PRKX: variants seen among roughly 807,000 people sequenced by gnomAD.
The protein encoded by PRKX is cAMP-dependent protein kinase catalytic subunit PRKX.
In PRKX, 12 loss-of-function variants were observed where a neutral mutation model predicts 22.0. The observed-to-expected ratio is 0.54, with a 90% confidence interval of 0.35 to 0.88. The LOEUF (loss-of-function observed/expected upper bound fraction) is 0.88. Ranked by LOEUF, PRKX falls within the 40% of genes least tolerant of loss-of-function variation. PRKX has a pLI of 0.01. For synonymous variants in PRKX, 134 were observed against 137.7 expected (o/e 0.97, Z 0.19); for missense variants, 217 against 308.0 (o/e 0.70, Z 2.21).
At chrX:3,624,457 CAAA>C (rs1454637555) in intron 5 of PRKX, among the ~76,000 whole-genome samples, 2 of 110,205 alleles carry the variant, frequency 1.8e-5, no homozygotes, top group Non-Finnish European at 3.8e-5. Context: ...TCCCTACTCT[CAAA>C]GAAGATAAAC....
intron 3 of PRKX, among the ~76,000 whole-genome samples, chrX:3,654,420 G>A (rs1215508524): frequency 4.0e-5 from 4 of 100,555 alleles, no homozygotes; most frequent in Non-Finnish European, 5.9e-5. Context: ...ATAAGTGCAC[G>A]TGTGTGTGAG....
At chrX:3,708,211 C>T (rs887573495) in intron 1 of PRKX, among the ~76,000 whole-genome samples, 3 of 111,437 alleles carry the variant, frequency 2.7e-5, no homozygotes, top group African/African-American at 9.8e-5. Context: ...GAGGACACAG[C>T]GAGAAGGCAC....
chrX:3,642,089 C>T lies in PRKX; in HGVS notation c.600-118G>A, dbSNP rs181388193. The T allele has an allele frequency of 4.8e-4, 423 of 889,759 alleles. 1 individual carries two copies. The highest frequency in any genetic ancestry group is 4.3e-4 in the Non-Finnish European group (275 of 632,295). 73.3% of individuals were successfully genotyped at this position (889,759 alleles called of 1,213,427 possible). On this transcript the variant is annotated intron_variant, in intron 3 of 8. Transcript: ENST00000262848. ...TTGAGTAAAACCACGCTCCGTTTACCCTCCTGTGCACATATTTTAATGTGT... is the reference window on the plus strand; with the variant it reads ...TTGAGTAAAACCACGCTCCGTTTACTCTCCTGTGCACATATTTTAATGTGT...
At chrX:3,678,164 T>C (rs1436218954) in intron 1 of PRKX, among the ~76,000 whole-genome samples, 2 of 112,194 alleles carry the variant, frequency 1.8e-5, no homozygotes, top group Admixed American at 9.5e-5. Flanking sequence ...CCATTGGACC[T>C]ATGAAATGGG....
chrX:3,648,520 A>T (rs1261916812), intron 3 of PRKX, among the ~76,000 whole-genome samples: 1 of 109,499 alleles, frequency 9.1e-6, no homozygotes, highest in Admixed American at 9.9e-5. Flanking sequence ...GGCAAAGAGA[A>T]AAAAAACAAA....
At chrX:3,670,153 A>C (rs2146593188) in intron 2 of PRKX, 1 of 123,927 alleles carries the variant, frequency 8.1e-6, no homozygotes, top group South Asian at 3.7e-4. Flanking sequence ...CCGTATGGGA[A>C]GCAGATGTTG....
Position 3,632,986 on chromosome X carries a change from C to T in PRKX, c.720-6472G>A, listed in dbSNP as rs1452528014. Among the ~76,000 whole-genome samples, 3 of 111,492 alleles carry T rather than the reference C, an allele frequency of 2.7e-5. No homozygotes were observed. In the Admixed American group the frequency reaches 2.9e-4, roughly 11 times the overall value. On this transcript the variant is annotated intron_variant, in intron 4 of 8. Transcript: ENST00000262848. ...TCATCCCAGCATTTGGGGAGGCCAACGCGGGAGGACTGCTTGAGCCCAGGA... is the reference window on the plus strand; with the variant it reads ...TCATCCCAGCATTTGGGGAGGCCAATGCGGGAGGACTGCTTGAGCCCAGGA...
intron 2 of PRKX, among the ~76,000 whole-genome samples, chrX:3,669,573 T>C (rs1221456371): frequency 2.7e-5 from 3 of 111,268 alleles, no homozygotes; most frequent in Non-Finnish European, 3.8e-5. Context: ...TCCCGCCCCA[T>C]GTGTCAGCAC....
chrX:3,658,575 A>G (rs1274497170), intron 2 of PRKX, among the ~76,000 whole-genome samples: 1 of 111,413 alleles, frequency 9.0e-6, no homozygotes, highest in African/African-American at 3.3e-5. Flanking sequence ...AACGTGAGCC[A>G]CTGTACCTGA....
chrX:3,636,127 AT>A (rs1926882010), intron 4 of PRKX, among the ~76,000 whole-genome samples: 1 of 112,531 alleles, frequency 8.9e-6, no homozygotes, highest in African/African-American at 3.2e-5. Context: ...ATTTTACCAA[AT>A]AGATGGTTTT....
In PRKX at chrX:3,713,198, ACCTTGCGGGAGTCGCTCTCCGCCG is replaced by A. The variant is rs1457495376; in HGVS notation, c.32_55del (p.Ala11_Lys18del). The A allele has an allele frequency of 9.2e-7, 1 of 1,092,782 alleles. No individual in the cohort carries two copies. Among genetic ancestry groups the A allele is most frequent in the African/African-American group, 2.0e-5 (1 of 51,139 alleles). 90.1% of individuals were successfully genotyped at this position (1,092,782 alleles called of 1,213,427 possible). The stretch of plus-strand genomic sequence containing the variant: ...CGCCCCGTCGGGGGTCTCCTCCGCC[ACCTTGCGGGAGTCGCTCTCCGCCG>A]CGGCCGCCTGGGCCAGCCCGGGCGC... On this transcript the variant is annotated inframe_deletion, in exon 1 of 9. Coordinates refer to ENST00000262848, the MANE Select transcript of PRKX (RefSeq NM_005044.5).
At chrX:3,704,089 A>T (rs1928634671) in intron 1 of PRKX, among the ~76,000 whole-genome samples, 1 of 112,118 alleles carries the variant, frequency 8.9e-6, no homozygotes, top group African/African-American at 3.2e-5. Flanking sequence ...CACCCAACAC[A>T]GCACAGAATC....
intron 1 of PRKX, among the ~76,000 whole-genome samples, chrX:3,702,698 T>C (rs1413215736): frequency 1.0e-5 from 1 of 99,499 alleles, no homozygotes; most frequent in Non-Finnish European, 2.0e-5. Flanking sequence ...TTTTTCTTTT[T>C]TTTTTTTTTA....
In PRKX at chrX:3,612,311, G is replaced by A; in HGVS notation, c.966C>T (p.Pro322=). ...AAGTGTCGCCGTCACCAGCTATCTT[G>A]GGCACGATGGGAGGCTGTGAGACAT... ...PQRKLKPPIV[P]KIAGDGDTSN... The change falls in exon 8 of 9, where the codon CCC becomes CCT. Residue 322 remains proline (P), a synonymous_variant. Transcript: ENST00000262848. 1.7e-6 allele frequency: 2 copies of A among 1,209,619 alleles called. No homozygotes were observed. Among genetic ancestry groups the A allele is most frequent in the Non-Finnish European group, 1.1e-6 (1 of 894,809 alleles).
intron 4 of PRKX, among the ~76,000 whole-genome samples, chrX:3,640,224 G>A (rs1314272606): frequency 2.7e-5 from 3 of 109,610 alleles, no homozygotes; most frequent in Admixed American, 9.8e-5. Flanking sequence ...GCAGAGTGTC[G>A]GCTGTGGCAA....
intron 2 of PRKX, among the ~76,000 whole-genome samples, chrX:3,669,977 T>C (rs140500997): frequency 2.0e-3 from 223 of 112,050 alleles, no homozygotes; most frequent in Middle Eastern, 9.3e-3. Flanking sequence ...ATAACTGAGG[T>C]TGCTGCTCCT....
chrX:3,631,169 A>T (rs1408617093), intron 4 of PRKX, among the ~76,000 whole-genome samples: 1 of 112,304 alleles, frequency 8.9e-6, no homozygotes, highest in Non-Finnish European at 1.9e-5. Context: ...TCCTGACCTT[A>T]ACAAAATTCA....
At chrX:3,656,322 A>G (rs1342373707) in intron 2 of PRKX, among the ~76,000 whole-genome samples, 1 of 111,728 alleles carries the variant, frequency 9.0e-6, no homozygotes, top group African/African-American at 3.3e-5. Flanking sequence ...ATATGGGTGT[A>G]GATGGATAGT....
chrX:3,693,751 C>T (rs1244611766), intron 1 of PRKX, among the ~76,000 whole-genome samples: 6 of 108,169 alleles, frequency 5.5e-5, no homozygotes, highest in East Asian at 2.9e-4. Flanking sequence ...TCCTGGCTAA[C>T]GAGGTGAAAC....
Sources: allele counts gnomAD v4.1 joint callset (sites outside exome capture counted in the v4.1 genomes callset), GRCh38; gene constraint gnomAD v4.1.1; transcripts MANE v1.5; gene names NCBI Gene and HGNC (gene_info 2026-07-23, HGNC 2026-07-21).